CALCR: variants seen among roughly 807,000 people sequenced by gnomAD.
CALCR encodes calcitonin receptor.
CALCR carries 47 observed loss-of-function variants against 59.5 expected under a neutral mutation model. The ratio of observed to expected loss-of-function variants is 0.79; its 90% CI spans 0.63 to 1.01. The LOEUF (loss-of-function observed/expected upper bound fraction) is 1.01. CALCR is among the 50% of genes least tolerant of loss of function. The pLI is 0.00. For missense variants in CALCR, 566 were observed against 597.1 expected (o/e 0.95, Z 0.54); for synonymous variants, 213 against 211.3 (o/e 1.01, Z -0.07).
chr7:93,562,624 A>G (rs1363163789), intron 2 of CALCR, among the ~76,000 whole-genome samples: 2 of 152,148 alleles, frequency 1.3e-5, no homozygotes, highest in Admixed American at 6.5e-5. Context: ...CCCACTAGTC[A>G]TCATTGTGAT....
chr7:93,455,908 G>A (rs1467666990), intron 8 of CALCR, among the ~76,000 whole-genome samples: 1 of 152,102 alleles, frequency 6.6e-6, no homozygotes, highest in East Asian at 1.9e-4. Flanking sequence ...TGGCACATAA[G>A]CAGTTTCAAG....
chr7:93,453,711 AG>A (rs1273371695), intron 8 of CALCR, among the ~76,000 whole-genome samples: 1 of 152,064 alleles, frequency 6.6e-6, no homozygotes, highest in Non-Finnish European at 1.5e-5. Flanking sequence ...TTTCATGTGT[AG>A]AGGTACCACC....
At chr7:93,490,916 C>T (rs965760083) in intron 2 of CALCR, among the ~76,000 whole-genome samples, 18 of 151,804 alleles carry the variant, frequency 1.2e-4, no homozygotes, top group Admixed American at 3.9e-4. Flanking sequence ...CTTTAAATTT[C>T]GTATGGGATC....
chr7:93,456,418 C>G (rs1342557331), intron 8 of CALCR, among the ~76,000 whole-genome samples: 2 of 151,374 alleles, frequency 1.3e-5, no homozygotes, highest in African/African-American at 4.9e-5. Context: ...AAGTTTTTTG[C>G]CTCTTTGTTT....
At chr7:93,430,026 G>T (rs937357902) in intron 13 of CALCR, among the ~76,000 whole-genome samples, 4 of 150,688 alleles carry the variant, frequency 2.7e-5, no homozygotes, top group African/African-American at 9.8e-5. Context: ...CCACCTCCCG[G>T]GTTCACCCCA....
In CALCR at chr7:93,425,297, T is replaced by C. The variant is rs1325210449; in HGVS notation, c.*1059A>G. ...GGTCAACCACAAGTTGATTTCTAAT[T>C]AGCCCTCCTGGATCTTCCTGGAAAA... On this transcript the variant is annotated 3_prime_UTR_variant, in exon 14 of 14. Coordinates refer to ENST00000426151, the MANE Select transcript of CALCR (RefSeq NM_001742.4). 3 of 152,586 alleles carry C rather than the reference T, an allele frequency of 2.0e-5. No individual in the cohort carries two copies. Among genetic ancestry groups the C allele is most frequent in the Admixed American group, 2.0e-4 (3 of 15,272 alleles). 9.5% of individuals were successfully genotyped at this position (152,586 alleles called of 1,614,324 possible).
intron 2 of CALCR, among the ~76,000 whole-genome samples, chr7:93,542,604 A>G (rs1307939745): frequency 6.6e-6 from 1 of 152,158 alleles, no homozygotes; most frequent in Non-Finnish European, 1.5e-5. Context: ...GCTTACTGTA[A>G]CTTTTAAAAT....
intron 8 of CALCR, among the ~76,000 whole-genome samples, chr7:93,459,303 A>T (rs1256849187): frequency 6.6e-6 from 1 of 152,202 alleles, no homozygotes; most frequent in Non-Finnish European, 1.5e-5. Context: ...AACTGAGAGT[A>T]AGGAGACCTG....
chr7:93,472,704 A>T (rs1800579380), intron 5 of CALCR, among the ~76,000 whole-genome samples: 1 of 151,828 alleles, frequency 6.6e-6, no homozygotes, highest in Admixed American at 6.6e-5. Context: ...TGAAGTAGGC[A>T]TTGCCATCTT....
intron 5 of CALCR, among the ~76,000 whole-genome samples, chr7:93,476,388 T>C (rs1800666958): frequency 6.6e-6 from 1 of 151,814 alleles, no homozygotes; most frequent in African/African-American, 2.4e-5. Context: ...GATGTAAGCT[T>C]TAGGTCAATA....
At chr7:93,555,514 T>C (rs1300068705) in intron 2 of CALCR, among the ~76,000 whole-genome samples, 4 of 152,246 alleles carry the variant, frequency 2.6e-5, no homozygotes, top group African/African-American at 9.6e-5. Context: ...AAGTCATTTA[T>C]GGAGAAGGAA....
At chr7:93,483,430 TAGATAGATAGATAGATAGATAGATAGAC>T (rs1405490736) in intron 3 of CALCR, among the ~76,000 whole-genome samples, 1 of 137,218 alleles carries the variant, frequency 7.3e-6, no homozygotes, top group African/African-American at 3.4e-5. Context: ...GATAGATAGA[TAGATAGATAGATAGATAGATAGATAGAC>T]AGACAGATAG....
At chr7:93,474,464 C>T (rs1800622901) in intron 5 of CALCR, among the ~76,000 whole-genome samples, 1 of 151,634 alleles carries the variant, frequency 6.6e-6, no homozygotes, top group Non-Finnish European at 1.5e-5. Flanking sequence ...ATCTACATTC[C>T]ATTCCAGTGA....
intron 2 of CALCR, among the ~76,000 whole-genome samples, chr7:93,558,555 A>G (rs966782271): frequency 1.3e-5 from 2 of 152,124 alleles, no homozygotes; most frequent in African/African-American, 2.4e-5. Flanking sequence ...TAGGTTTCAC[A>G]TGTCTTGCTG....
intron 3 of CALCR, among the ~76,000 whole-genome samples, chr7:93,486,520 C>T (rs1299278476): frequency 1.3e-5 from 2 of 151,258 alleles, no homozygotes; most frequent in African/African-American, 4.8e-5. Flanking sequence ...ATTGAACAGC[C>T]CAGATGTTTT....
chr7:93,518,605 A>G (rs1342307767), intron 2 of CALCR, among the ~76,000 whole-genome samples: 1 of 151,920 alleles, frequency 6.6e-6, no homozygotes, highest in Non-Finnish European at 1.5e-5. Flanking sequence ...TATCTACAAA[A>G]TAATTAAACC....
chr7:93,433,896 G>A (rs534882355), intron 13 of CALCR, among the ~76,000 whole-genome samples: 1 of 152,226 alleles, frequency 6.6e-6, no homozygotes, highest in Non-Finnish European at 1.5e-5. Context: ...AGTACAAACC[G>A]AATGGAGATT....
rs531328152 is a variant in CALCR, at chr7:93,469,021, C to T, written c.430-215G>A. ...ATTGTCATTTTCAAAGAATAAAGTT[C>T]CTTGAGATGAAGTACCTCATTCAAA... On this transcript the variant is annotated intron_variant, in intron 6 of 13. Transcript: ENST00000426151. 3.8e-4 allele frequency among the ~76,000 whole-genome samples: 58 copies of T among 151,892 alleles called. 1 individual carries two copies. In the South Asian group the frequency reaches 3.9e-3, roughly 10 times the overall value.
At chr7:93,482,839 A>G in intron 3 of CALCR, 1 of 533,600 alleles carries the variant, frequency 1.9e-6, no homozygotes, top group Non-Finnish European at 3.9e-6. Flanking sequence ...AGATTGTTTC[A>G]ACACTGAAGG....
Sources: gnomAD v4.1 joint callset for allele counts (sites outside exome capture counted in the v4.1 genomes callset) on GRCh38, gnomAD v4.1.1 for gene constraint, MANE v1.5 for transcripts, NCBI Gene and HGNC (gene_info 2026-07-23, HGNC 2026-07-21) for gene names.